Variants in BRINP2 observed in about 807,000 individuals in gnomAD.
The protein encoded by BRINP2 is BMP/retinoic acid-inducible neural-specific protein 2.
BRINP2 carries 21 observed loss-of-function variants against 69.2 expected under a neutral mutation model. The ratio of observed to expected loss-of-function variants is 0.30; its 90% CI spans 0.22 to 0.44. The LOEUF (loss-of-function observed/expected upper bound fraction) is 0.44. BRINP2 is among the 20% of genes least tolerant of loss of function. The pLI is 1.00. For synonymous variants in BRINP2, 380 were observed against 394.1 expected (o/e 0.96, Z 0.42); for missense variants, 877 against 986.0 (o/e 0.89, Z 1.48).
At chr1:177,237,804 AG>A (rs1451397456) in intron 2 of BRINP2, among the ~76,000 whole-genome samples, 1 of 152,066 alleles carries the variant, frequency 6.6e-6, no homozygotes, top group African/African-American at 2.4e-5. Context: ...GAAAGGAGTG[AG>A]GTAGACTTCA....
intron 1 of BRINP2, among the ~76,000 whole-genome samples, chr1:177,208,297 G>T (rs1482317855): frequency 6.6e-6 from 1 of 152,198 alleles, no homozygotes; most frequent in Non-Finnish European, 1.5e-5. Context: ...CAAGCTTAAA[G>T]ATGTTTGTGG....
In BRINP2 at chr1:177,229,752, C is replaced by T. The variant is rs1649805025; in HGVS notation, c.-76-49C>T. On this transcript the variant is annotated intron_variant, in intron 1 of 7. Coordinates refer to ENST00000361539, the MANE Select transcript of BRINP2 (RefSeq NM_021165.4). The stretch of plus-strand genomic sequence containing the variant: ...CAATTATGTGTGATGCTCACAGGCC[C>T]ATGGGGTAACAGGGTGCTCAAATGA... 3 of 1,328,042 alleles carry T rather than the reference C, an allele frequency of 2.3e-6. No homozygotes were observed. The East Asian group carries it at 7.5e-5, about 33-fold the overall frequency. The allele number at this position is 1,328,042 out of a possible 1,614,324, so 82.3% of individuals were successfully genotyped here.
chr1:177,201,405 T>C (rs991836716), intron 1 of BRINP2, among the ~76,000 whole-genome samples: 26 of 152,220 alleles, frequency 1.7e-4, no homozygotes, highest in Non-Finnish European at 3.5e-4. Flanking sequence ...GAAGGTACAC[T>C]ATTTCTTCAG....
intron 1 of BRINP2, among the ~76,000 whole-genome samples, chr1:177,207,004 C>T (rs1649086736): frequency 6.6e-6 from 1 of 152,116 alleles, no homozygotes; most frequent in Non-Finnish European, 1.5e-5. Flanking sequence ...GAGATTTCAG[C>T]TAATGATTCC....
intron 4 of BRINP2, among the ~76,000 whole-genome samples, chr1:177,259,813 A>G (rs1005357891): frequency 3.0e-4 from 45 of 152,336 alleles, no homozygotes; most frequent in African/African-American, 1.1e-3. Flanking sequence ...CTACTCAGAA[A>G]AAAAATTCTT....
At chr1:177,247,807 C>T (rs1402442530) in intron 2 of BRINP2, among the ~76,000 whole-genome samples, 3 of 152,172 alleles carry the variant, frequency 2.0e-5, no homozygotes, top group South Asian at 2.1e-4. Context: ...AGTGAGCAGG[C>T]GGTGATTGGT....
intron 1 of BRINP2, among the ~76,000 whole-genome samples, chr1:177,227,610 G>GTT (rs373470878): frequency 2.3e-4 from 34 of 145,308 alleles, no homozygotes; most frequent in South Asian, 8.8e-4. Flanking sequence ...TTTCAAAAGA[G>GTT]TTTTTTTTTT....
At chr1:177,256,338 G>T (rs944299828) in intron 3 of BRINP2, 1 of 985,268 alleles carries the variant, frequency 1.0e-6, no homozygotes, top group Admixed American at 6.1e-5. Flanking sequence ...GGCGGTTGGA[G>T]GTGGACAGGC....
At chr1:177,207,318 C>T (rs1178617680) in intron 1 of BRINP2, among the ~76,000 whole-genome samples, 4 of 152,118 alleles carry the variant, frequency 2.6e-5, no homozygotes, top group South Asian at 2.1e-4. Context: ...AGAAGGCAAA[C>T]TTTGAGAAAA....
chr1:177,272,910 G>A (rs969348091), intron 4 of BRINP2, among the ~76,000 whole-genome samples: 6 of 152,120 alleles, frequency 3.9e-5, no homozygotes, highest in Non-Finnish European at 8.8e-5. Context: ...ATATTACATG[G>A]CTATAAGAGT....
chr1:177,257,027 A>G (rs1019070407), intron 3 of BRINP2, 149 bp from the exon 4 acceptor site: 3 of 1,537,992 alleles, frequency 2.0e-6, no homozygotes, highest in African/African-American at 1.4e-5. Context: ...AGCTTCTTCT[A>G]AAGATGGTAA....
In BRINP2 at chr1:177,198,207, T is replaced by C. The variant is rs190378976; in HGVS notation, c.-77+26475T>C. ...ATGTATGTAGAAATGTTCACATATA[T>C]ATTACATCTAAACAGACAAAGGTAT... On this transcript the variant is annotated intron_variant, in intron 1 of 7. Coordinates refer to ENST00000361539, the MANE Select transcript of BRINP2 (RefSeq NM_021165.4). 1.3e-3 allele frequency among the ~76,000 whole-genome samples: 193 copies of C among 152,314 alleles called. 1 individual carries two copies. The highest frequency in any genetic ancestry group is 4.2e-3 in the African/African-American group (174 of 41,574).
chr1:177,248,994 G>T (rs1650492260), intron 2 of BRINP2, among the ~76,000 whole-genome samples: 1 of 152,044 alleles, frequency 6.6e-6, no homozygotes, highest in Admixed American at 6.6e-5. Context: ...TTGGATTTTA[G>T]GGAAATCCCT....
At chr1:177,253,547 C>A (rs1451119206) in intron 2 of BRINP2, among the ~76,000 whole-genome samples, 1 of 152,012 alleles carries the variant, frequency 6.6e-6, no homozygotes, top group Non-Finnish European at 1.5e-5. Context: ...TTGATGTAAT[C>A]CCATTTGTTT....
At chr1:177,215,293 A>G (rs1161828862) in intron 1 of BRINP2, among the ~76,000 whole-genome samples, 1 of 152,214 alleles carries the variant, frequency 6.6e-6, no homozygotes, top group East Asian at 1.9e-4. Flanking sequence ...ATGAAAAATG[A>G]CATTGGGATT....
chr1:177,226,317 A>T (rs753287796), intron 1 of BRINP2, among the ~76,000 whole-genome samples: 1 of 152,178 alleles, frequency 6.6e-6, no homozygotes, highest in Non-Finnish European at 1.5e-5. Flanking sequence ...AAAACCACTT[A>T]TGGTCTCTGA....
chr1:177,220,649 T>A (rs916215706), intron 1 of BRINP2, among the ~76,000 whole-genome samples: 2 of 152,174 alleles, frequency 1.3e-5, no homozygotes, highest in East Asian at 3.9e-4. Flanking sequence ...TTTGTAGCAA[T>A]GCAATAACGG....
At chr1:177,227,884 A>G (rs1649748675) in intron 1 of BRINP2, among the ~76,000 whole-genome samples, 1 of 152,078 alleles carries the variant, frequency 6.6e-6, no homozygotes, top group South Asian at 2.1e-4. Context: ...TGTTTTAATT[A>G]TTGGAATTTT....
chr1:177,272,761 C>T (rs909634138), intron 4 of BRINP2, among the ~76,000 whole-genome samples: 2 of 152,302 alleles, frequency 1.3e-5, no homozygotes, highest in Non-Finnish European at 1.5e-5. Context: ...GAGAAAGGGC[C>T]GCAGGTCCCC....
Sources: gnomAD v4.1 joint callset for allele counts (sites outside exome capture counted in the v4.1 genomes callset) on GRCh38, gnomAD v4.1.1 for gene constraint, MANE v1.5 for transcripts, NCBI Gene and HGNC (gene_info 2026-07-23, HGNC 2026-07-21) for gene names.